LRP1: variants seen among roughly 807,000 people sequenced by gnomAD.
LRP1 encodes the protein LDL receptor related protein 1, also known as prolow-density lipoprotein receptor-related protein 1.
LRP1 carries 51 observed loss-of-function variants against 541.5 expected under a neutral mutation model. The observed-to-expected ratio is 0.09, with a 90% CI of 0.08 to 0.12. The LOEUF is 0.12. LRP1 is among the 10% of genes least tolerant of loss of function. The pLI, the probability that LRP1 is intolerant of heterozygous loss-of-function variation, is 1.00. For missense variants in LRP1, 3,878 were observed against 6,376.2 expected (o/e 0.61, Z 13.34); for synonymous variants, 2,219 against 2,470.8 (o/e 0.90, Z 3.02).
At chr12:57,210,238 C>G (rs1456300502) in intron 81 of LRP1, 69 bp downstream of exon 81, 18 of 1,551,056 alleles carry the variant, frequency 1.2e-5, no homozygotes, top group Non-Finnish European at 1.6e-5. Flanking sequence ...CCTGACTTCC[C>G]CTGACCTTGT....
intron 47 of LRP1, 81 bp downstream of exon 47, chr12:57,193,766 C>T (rs1055756358): frequency 6.2e-7 from 1 of 1,610,358 alleles, no homozygotes. Flanking sequence ...GTCCCTGGGC[C>T]CCGTGGTGTC....
intron 60 of LRP1, 93 bp downstream of exon 60, chr12:57,198,763 G>A: frequency 8.0e-7 from 1 of 1,254,622 alleles, no homozygotes; most frequent in Non-Finnish European, 1.1e-6. Context: ...GGCAAGAGTG[G>A]ACATAAAAAG....
At chr12:57,137,832 G>A (rs1406814583) in intron 1 of LRP1, among the ~76,000 whole-genome samples, 2 of 151,700 alleles carry the variant, frequency 1.3e-5, no homozygotes, top group East Asian at 3.9e-4. Context: ...ATGGAAGCAA[G>A]GCTCTCTACC....
In LRP1 at chr12:57,161,087, C is replaced by CGATACT; in HGVS notation, c.2176_2181dup (p.Ile726_Leu727dup). On this transcript the variant is annotated inframe_insertion, in exon 13 of 89. Transcript: ENST00000243077. ...GATGCCTTCTACGACCGCATCGAGACGATACTGCTCAATGGCACAGACCGG... is the reference window on the plus strand; with the variant it reads ...GATGCCTTCTACGACCGCATCGAGACGATACTGATACTGCTCAATGGCACAGACCGG... The CGATACT allele has an allele frequency of 6.2e-7, 1 of 1,613,534 alleles. No homozygotes were observed. Among genetic ancestry groups the CGATACT allele is most frequent in the Non-Finnish European group, 8.5e-7 (1 of 1,180,034 alleles).
chr12:57,178,581 C>T lies in LRP1; in HGVS notation c.4584C>T (p.Tyr1528=). The T allele has an allele frequency of 1.2e-6, 2 of 1,614,172 alleles. No individual in the cohort carries two copies. Among genetic ancestry groups the T allele is most frequent in the Non-Finnish European group, 1.7e-6 (2 of 1,180,022 alleles). The change falls in exon 27 of 89, where the codon TAC becomes TAT. Residue 1528 remains tyrosine, a synonymous_variant. Transcript: ENST00000243077. The surrounding 1 kb of genome is among the most constrained non-coding windows in gnomAD (Gnocchi z 5.8). ...CCCAGCCCTTTGACCTGCAGGTGTA[C>T]CACCCCTCCCGCCAGCCCATGGGTA... is the stretch of plus-strand genomic sequence containing the variant. The part of the protein sequence containing the change: ...TNTQPFDLQV[Y]HPSRQPMAPN...
intron 77 of LRP1, 131 bp from the exon 78 acceptor site, chr12:57,208,580 G>T: frequency 1.6e-6 from 1 of 623,928 alleles, no homozygotes; most frequent in Non-Finnish European, 2.9e-6. Context: ...CTGCTTCTCT[G>T]TAGAAGGACA....
rs1341454526 is a variant in LRP1, at chr12:57,199,156, G to A, written c.9677-56G>A. On this transcript the variant is annotated intron_variant, in intron 60 of 88. Coordinates refer to ENST00000243077, the MANE Select transcript of LRP1 (RefSeq NM_002332.3). ...AGGGCTTGAGGAGGTGGAGTGGGCCGGCACCCTGTCCGAGCTCCGGCTGAC... is the reference window on the plus strand; with the variant it reads ...AGGGCTTGAGGAGGTGGAGTGGGCCAGCACCCTGTCCGAGCTCCGGCTGAC... The A allele has an allele frequency of 2.9e-5, 45 of 1,559,220 alleles. No homozygotes were observed. In the Admixed American group the frequency reaches 4.7e-4, roughly 16 times the overall value.
Position 57,132,926 on chromosome 12 carries a change from G to C in LRP1, c.67+3895G>C, listed in dbSNP as rs957490756. ...CTGGCCAGACCCAGTGTCCAGTTCA[G>C]CACCAAAAGTTTCCTCTCCACTTTC... On this transcript the variant is annotated intron_variant, in intron 1 of 88. Coordinates refer to ENST00000243077, the MANE Select transcript of LRP1 (RefSeq NM_002332.3). Among the ~76,000 whole-genome samples, 6 of 152,240 alleles carry C rather than the reference G, an allele frequency of 3.9e-5. No homozygotes were observed. The East Asian group carries it at 1.2e-3, about 29-fold the overall frequency.
At position 57,156,864 on chromosome 12, in the gene LRP1, G is replaced by A. The variant is rs754240973; in HGVS notation, c.1505G>A (p.Arg502Gln). Residue 502 changes from arginine to glutamine, a missense_variant, in exon 10 of 89, where the codon CGG becomes CAG. Physicochemically the swap from Arg to Gln is conservative, Grantham distance 43. Around this residue, in one of 13 missense-constraint regions of LRP1, gnomAD observed 496 missense variants for 861.0 expected, o/e 0.58. Transcript: ENST00000243077. The surrounding 1 kb of genome is among the most constrained non-coding windows in gnomAD (Gnocchi z 5.2). ...ICLLANSHKA[R>Q]TCRCRSGFSL... is the part of the protein sequence containing the mutation. Reference sequence around the variant, plus strand: ...CTGCTGGCCAACAGCCACAAGGCGCGGACCTGCCGCTGCCGTTCCGGCTTC... The same window carrying A: ...CTGCTGGCCAACAGCCACAAGGCGCAGACCTGCCGCTGCCGTTCCGGCTTC... 6 of 1,598,300 alleles carry A rather than the reference G, an allele frequency of 3.8e-6. No individual in the cohort carries two copies. The highest frequency in any genetic ancestry group is 2.2e-5 in the East Asian group (1 of 44,636).
Position 57,197,231 on chromosome 12 carries a change from T to G in LRP1, c.9076+66T>G, listed in dbSNP as rs979322097. 123 of 1,612,480 alleles carry G rather than the reference T, an allele frequency of 7.6e-5. No individual in the cohort carries two copies. Among genetic ancestry groups the G allele is most frequent in the Non-Finnish European group, 1.0e-4 (119 of 1,178,726 alleles). ...TGTGGGACTGCCCGGGTGGCAGAGCTCCAGACAGGCAGGAGACCAGGGCCG... is the reference window on the plus strand; with the variant it reads ...TGTGGGACTGCCCGGGTGGCAGAGCGCCAGACAGGCAGGAGACCAGGGCCG... On this transcript the variant is annotated intron_variant, in intron 56 of 88. Transcript: ENST00000243077. This position sits in a 1 kb window ranked among gnomAD's most constrained non-coding sequence, Gnocchi z 4.5.
Position 57,197,444 on chromosome 12 carries a change from TGCAAGTCTCCCC to T in LRP1, c.9162+63_9162+74del. 1 of 1,610,386 alleles carries T rather than the reference TGCAAGTCTCCCC, an allele frequency of 6.2e-7. No homozygotes were observed. Among genetic ancestry groups the T allele is most frequent in the Non-Finnish European group, 8.5e-7 (1 of 1,177,322 alleles). Reference sequence around the variant, plus strand: ...CTCCCAGACCCAGCACAGCCTCCCTTGCAAGTCTCCCCGCTTAGGTCCAACCATCCCTCCCCC... The same window carrying T: ...CTCCCAGACCCAGCACAGCCTCCCTTGCTTAGGTCCAACCATCCCTCCCCC... On this transcript the variant is annotated intron_variant, in intron 57 of 88. Coordinates refer to ENST00000243077, the MANE Select transcript of LRP1 (RefSeq NM_002332.3). The surrounding 1 kb of genome is among the most constrained non-coding windows in gnomAD (Gnocchi z 4.5).
rs541377969 is a variant in LRP1, at chr12:57,158,847, A to G, written c.1798+209A>G. Reference sequence around the variant, plus strand: ...GCAGGGTTAGGATGGGTTAGGCAGCATGGGCCGTCCTTGCCAGCCCTTGGG... The same window carrying G: ...GCAGGGTTAGGATGGGTTAGGCAGCGTGGGCCGTCCTTGCCAGCCCTTGGG... On this transcript the variant is annotated intron_variant, in intron 11 of 88. Transcript: ENST00000243077. This position sits in a 1 kb window ranked among gnomAD's most constrained non-coding sequence, Gnocchi z 5.3. Among the ~76,000 whole-genome samples, 1 of 152,228 alleles carries G rather than the reference A, an allele frequency of 6.6e-6. No homozygotes were observed. Among genetic ancestry groups the G allele is most frequent in the East Asian group, 1.9e-4 (1 of 5,164 alleles).
At chr12:57,186,224 C>A (rs927399758) in intron 41 of LRP1, among the ~76,000 whole-genome samples, 19 of 152,340 alleles carry the variant, frequency 1.2e-4, no homozygotes, top group African/African-American at 4.6e-4. Context: ...CTTTCAATAA[C>A]TTGGGTCAGT....
intron 1 of LRP1, 30 bp downstream of exon 1, chr12:57,129,061 C>T: frequency 6.5e-7 from 1 of 1,549,838 alleles, no homozygotes. Context: ...CCCCTTGGAC[C>T]CCTGGGGGCA....
At chr12:57,208,382 C>A in intron 77 of LRP1, 166 bp downstream of exon 77, 1 of 735,900 alleles carries the variant, frequency 1.4e-6, no homozygotes, top group Non-Finnish European at 2.2e-6. Context: ...TGGCCCTCCC[C>A]ATGCTGCCTC....
rs2036345298 is a variant in LRP1, at chr12:57,189,997, C to T, written c.7032-808C>T. 6.6e-6 allele frequency among the ~76,000 whole-genome samples: 1 copy of T among 152,160 alleles called. No individual in the cohort carries two copies. Among genetic ancestry groups the T allele is most frequent in the Non-Finnish European group, 1.5e-5 (1 of 68,026 alleles). On this transcript the variant is annotated intron_variant, in intron 42 of 88. Transcript: ENST00000243077. This position sits in a 1 kb window ranked among gnomAD's most constrained non-coding sequence, Gnocchi z 4.4. ...CAGCCCCCCTCCAGCCTCAGCACCA[C>T]CCCACAAGGAGCACGGCATAATTGG...
intron 6 of LRP1, among the ~76,000 whole-genome samples, chr12:57,153,422 C>G (rs116998609): frequency 0.033 from 5,059 of 152,260 alleles, 126 homozygotes; most frequent in Non-Finnish European, 0.051. Context: ...CTCCTTCCCC[C>G]ACTCCCATCA....
intron 1 of LRP1, 59 bp from the exon 2 acceptor site, chr12:57,138,400 G>A: frequency 1.3e-6 from 2 of 1,594,008 alleles, no homozygotes; most frequent in South Asian, 1.1e-5. Flanking sequence ...AGGGGACTTT[G>A]GGTTCACAGA....
intron 24 of LRP1, among the ~76,000 whole-genome samples, chr12:57,176,556 G>T (rs566641447): frequency 2.6e-5 from 4 of 152,286 alleles, no homozygotes; most frequent in African/African-American, 7.2e-5. Flanking sequence ...GTCAAGGAAG[G>T]TCCCCTGAGA....
Sources: gnomAD v4.1 joint callset for allele counts (sites outside exome capture counted in the v4.1 genomes callset) on GRCh38, gnomAD v4.1.1 for gene constraint, gnomAD v4.1.1 regional missense constraint, Gnocchi (gnomAD v3.1) non-coding constraint, MANE v1.5 for transcripts, NCBI Gene and HGNC (gene_info 2026-07-23, HGNC 2026-07-21) for gene names.